TRAPPC11: variants seen among roughly 807,000 people sequenced by gnomAD.
The protein encoded by TRAPPC11 is foie gras homolog.
In TRAPPC11, 104 loss-of-function variants were observed where a neutral mutation model predicts 151.2. The ratio of observed to expected loss-of-function variants is 0.69; its 90% CI spans 0.59 to 0.81. The LOEUF (loss-of-function observed/expected upper bound fraction) is 0.81, where lower values mean the gene tolerates loss of function less well. TRAPPC11 is among the 30% of genes least tolerant of loss of function. TRAPPC11 has a pLI of 0.00. For missense variants in TRAPPC11, 1,230 were observed against 1,349.6 expected (o/e 0.91, Z 1.39); for synonymous variants, 456 against 472.3 (o/e 0.97, Z 0.45).
Position 183,697,723 on chromosome 4 carries a change from G to A in TRAPPC11, c.2739G>A (p.Leu913=). Residue 913 remains leucine, a synonymous_variant, in exon 25 of 30, where the codon TTG becomes TTA. Coordinates refer to ENST00000334690, the MANE Select transcript of TRAPPC11 (RefSeq NM_021942.6). ...TTTATGCTGACATCCCCTTTCTGTTGATGACGGACCTCTTAAGTGCCTCAC... is the reference window on the plus strand; with the variant it reads ...TTTATGCTGACATCCCCTTTCTGTTAATGACGGACCTCTTAAGTGCCTCAC... The part of the protein sequence containing the change: ...ERVYADIPFL[L]MTDLLSASPW... The A allele has an allele frequency of 6.2e-7, 1 of 1,614,132 alleles. No individual in the cohort carries two copies. Among genetic ancestry groups the A allele is most frequent in the East Asian group, 2.2e-5 (1 of 44,878 alleles).
intron 27 of TRAPPC11, among the ~76,000 whole-genome samples, chr4:183,705,779 G>T (rs1463532625): frequency 2.0e-5 from 3 of 152,110 alleles, no homozygotes; most frequent in Non-Finnish European, 2.9e-5. Context: ...CAAGTTTTTG[G>T]CAAGAATACT....
Position 183,679,443 on chromosome 4 carries a change from A to G in TRAPPC11, c.922A>G (p.Ser308Gly), listed in dbSNP as rs1157895449. The G allele has an allele frequency of 6.2e-7, 1 of 1,613,046 alleles. No homozygotes were observed. ...HIDLCKKKIG[S>G]AELSFEHDAW... ...CGACTTGTGTAAGAAAAAGATTGGA[A>G]GTGCAGAGCTGTCTTTTGAGCATGA... The change falls in exon 9 of 30, where the codon AGT becomes GGT. Residue 308 changes from serine to glycine, a missense_variant. Physicochemically the swap from Ser to Gly is moderately conservative, Grantham distance 56. Transcript: ENST00000334690.
intron 26 of TRAPPC11, among the ~76,000 whole-genome samples, chr4:183,704,518 C>CACA (rs1736954556): frequency 1.2e-5 from 1 of 86,426 alleles, no homozygotes; most frequent in Non-Finnish European, 2.4e-5. Context: ...GAGACTGTCT[C>CACA]AAAAAAAAAA....
intron 8 of TRAPPC11, 85 bp from the exon 9 acceptor site, chr4:183,679,268 G>A: frequency 7.8e-7 from 1 of 1,276,810 alleles, no homozygotes; most frequent in African/African-American, 1.5e-5. Context: ...TTTTTCTAAT[G>A]TTATTCTCAA....
intron 19 of TRAPPC11, among the ~76,000 whole-genome samples, chr4:183,691,811 T>A (rs997928811): frequency 6.6e-6 from 1 of 152,174 alleles, no homozygotes; most frequent in Non-Finnish European, 1.5e-5. Flanking sequence ...TAAGGAGTTT[T>A]AAATAATGTA....
At chr4:183,684,874 T>C (rs1561044909) in intron 15 of TRAPPC11, 33 bp downstream of exon 15, 3 of 1,582,056 alleles carry the variant, frequency 1.9e-6, no homozygotes, top group Non-Finnish European at 2.6e-6. Flanking sequence ...AAATTCTTGA[T>C]ACATAAAATT....
intron 5 of TRAPPC11, among the ~76,000 whole-genome samples, chr4:183,669,422 A>G (rs1735036681): frequency 6.6e-6 from 1 of 152,108 alleles, no homozygotes; most frequent in Non-Finnish European, 1.5e-5. Flanking sequence ...TTGACTCTGC[A>G]CTTCAGTGCT....
intron 19 of TRAPPC11, among the ~76,000 whole-genome samples, 173 bp from the exon 20 acceptor site, chr4:183,692,785 GTC>G (rs1736317713): frequency 6.6e-6 from 1 of 152,140 alleles, no homozygotes; most frequent in South Asian, 2.1e-4. Context: ...AGCGCAGTTA[GTC>G]TCTGTCCCAG....
intron 9 of TRAPPC11, 93 bp downstream of exon 9, chr4:183,679,579 T>G: frequency 9.3e-7 from 1 of 1,077,886 alleles, no homozygotes; most frequent in Non-Finnish European, 1.3e-6. Flanking sequence ...CTGAACCAGG[T>G]TTTTTGTCAC....
At chr4:183,694,580 A>G (rs767128220) in intron 22 of TRAPPC11, 24 bp from the exon 23 acceptor site, 1 of 1,600,686 alleles carries the variant, frequency 6.2e-7, no homozygotes, top group South Asian at 1.1e-5. Flanking sequence ...TACTAATTAA[A>G]TTACAACATT....
At chr4:183,705,178 T>C (rs1328816436) in intron 27 of TRAPPC11, 108 bp downstream of exon 27, 5 of 746,172 alleles carry the variant, frequency 6.7e-6, no homozygotes, top group Non-Finnish European at 1.1e-5. Context: ...TTTTTCAGCA[T>C]TTGTAAAAGT....
chr4:183,691,204 C>T (rs538213488), intron 18 of TRAPPC11, 112 bp from the exon 19 acceptor site: 3 of 792,040 alleles, frequency 3.8e-6, no homozygotes, highest in Non-Finnish European at 5.5e-6. Context: ...TTATTAGTAA[C>T]CCTTCATAAT....
At chr4:183,677,821 G>A (rs1455817846) in intron 8 of TRAPPC11, among the ~76,000 whole-genome samples, 2 of 152,100 alleles carry the variant, frequency 1.3e-5, no homozygotes, top group Admixed American at 1.3e-4. Flanking sequence ...GGAGCAAGGA[G>A]GAGTTGAGAA....
intron 29 of TRAPPC11, among the ~76,000 whole-genome samples, chr4:183,710,447 T>C (rs112998473): frequency 0.28 from 42,266 of 151,336 alleles, 6,579 homozygotes; most frequent in African/African-American, 0.43. Context: ...CCACCACGCC[T>C]GGCTAATTTT....
At chr4:183,665,555 G>T (rs1391980133) in intron 2 of TRAPPC11, among the ~76,000 whole-genome samples, 1 of 152,156 alleles carries the variant, frequency 6.6e-6, no homozygotes, top group East Asian at 1.9e-4. Context: ...CTTCCTTATT[G>T]ACCTCATCTT....
chr4:183,710,733 A>T (rs904273606), intron 29 of TRAPPC11, among the ~76,000 whole-genome samples: 2 of 151,812 alleles, frequency 1.3e-5, no homozygotes, highest in African/African-American at 4.8e-5. Flanking sequence ...GAAAATTTAT[A>T]ATTAAAAAAT....
In TRAPPC11 at chr4:183,686,474, T is replaced by C. The variant is rs28484861; in HGVS notation, c.1763-144T>C. On this transcript the variant is annotated intron_variant, in intron 17 of 29. Transcript: ENST00000334690. ...TTATAATAAAAAGTTAGCTCATTTG[T>C]CTCTTGAAGTGCCTTAAGTGCAGAA... 1,118 of 839,184 alleles carry C rather than the reference T, an allele frequency of 1.3e-3. 7 individuals carry two copies. The African/African-American group carries it at 0.017, about 13-fold the overall frequency. 52.0% of individuals were successfully genotyped at this position (839,184 alleles called of 1,614,324 possible). A position where few individuals can be genotyped will look rare whatever the true frequency, so the allele number is the denominator to read the frequency against.
At chr4:183,666,145 A>G in intron 2 of TRAPPC11, 112 bp from the exon 3 acceptor site, 1 of 899,044 alleles carries the variant, frequency 1.1e-6, no homozygotes, top group African/African-American at 1.7e-5. Flanking sequence ...CTAATCAAAA[A>G]TGGGAGGTGT....
chr4:183,661,586 T>TG (rs564469774), intron 1 of TRAPPC11, among the ~76,000 whole-genome samples: 1 of 151,880 alleles, frequency 6.6e-6, no homozygotes, highest in South Asian at 2.1e-4. Flanking sequence ...TTAGCCAGGA[T>TG]GGTCTCGATC....
Sources: allele counts gnomAD v4.1 joint callset (sites outside exome capture counted in the v4.1 genomes callset), GRCh38; gene constraint gnomAD v4.1.1; transcripts MANE v1.5; gene names NCBI Gene and HGNC (gene_info 2026-07-23, HGNC 2026-07-21).